Variants in SORCS2 observed in about 807,000 individuals in gnomAD.
The protein encoded by SORCS2 is sortilin related VPS10 domain containing receptor 2.
SORCS2 carries 100 observed loss-of-function variants against 141.6 expected under a neutral mutation model. The ratio of observed to expected loss-of-function variants is 0.71; its 90% confidence interval spans 0.60 to 0.83. SORCS2 has a LOEUF of 0.83. SORCS2 is among the 40% of genes least tolerant of loss of function. The probability of loss-of-function intolerance (pLI) is 0.00; values close to 1 mark genes in which losing one functional copy is unlikely to be tolerated. For synonymous variants in SORCS2, 789 were observed against 676.9 expected (o/e 1.17, Z -2.57); for missense variants, 1,646 against 1,560.2 (o/e 1.05, Z -0.93).
Position 7,547,420 on chromosome 4 carries a change from C to T in SORCS2, c.648+15791C>T, listed in dbSNP as rs183642415. 3.0e-4 allele frequency among the ~76,000 whole-genome samples: 46 copies of T among 152,322 alleles called. 2 individuals are homozygous for T. In the South Asian group the frequency reaches 5.6e-3, roughly 19 times the overall value. ...GAGCCTTTTGCCAGCCTTCTGATGT[C>T]GGTTACTGCAAAATCCAGGCTGCCT... On this transcript the variant is annotated intron_variant, in intron 3 of 26. Transcript: ENST00000507866.
Position 7,302,766 on chromosome 4 carries a change from C to CGTGTGT in SORCS2, c.481-93522_481-93521insGTGTGT, listed in dbSNP as rs766083519. On this transcript the variant is annotated intron_variant, in intron 1 of 26. Coordinates refer to ENST00000507866, the MANE Select transcript of SORCS2 (RefSeq NM_020777.3). Reference sequence around the variant, plus strand: ...TGTCCGGCATCTAGTAGACAGTCCACATATGTGTGTGTGTGTGTGTGTGCG... The same window carrying CGTGTGT: ...TGTCCGGCATCTAGTAGACAGTCCACGTGTGTATATGTGTGTGTGTGTGTGTGTGCG... 5.3e-3 allele frequency among the ~76,000 whole-genome samples: 276 copies of CGTGTGT among 52,004 alleles called. 2 individuals carry two copies. Among genetic ancestry groups the CGTGTGT allele is most frequent in the African/African-American group, 0.011 (270 of 24,148 alleles). The allele number at this position is 52,004 out of a possible 152,430, so 34.1% of individuals were successfully genotyped here.
At chr4:7,523,274 T>C (rs796685231) in intron 2 of SORCS2, among the ~76,000 whole-genome samples, 5 of 152,276 alleles carry the variant, frequency 3.3e-5, no homozygotes, top group African/African-American at 1.2e-4. Context: ...GTGTCAGTGC[T>C]AGTGCTTAGA....
intron 1 of SORCS2, among the ~76,000 whole-genome samples, chr4:7,328,915 G>A (rs13114800): frequency 0.17 from 26,180 of 152,200 alleles, 2,684 homozygotes; most frequent in East Asian, 0.4. Context: ...TAGCTCAGGG[G>A]AGGGACTGGG....
At chr4:7,626,491 C>T (rs1719522447) in intron 3 of SORCS2, among the ~76,000 whole-genome samples, 1 of 152,200 alleles carries the variant, frequency 6.6e-6, no homozygotes, top group South Asian at 2.1e-4. Flanking sequence ...CACCCAGAAA[C>T]AAACAGTGCT....
At chr4:7,400,991 A>G (rs961423443) in intron 2 of SORCS2, among the ~76,000 whole-genome samples, 3 of 152,094 alleles carry the variant, frequency 2.0e-5, no homozygotes, top group East Asian at 1.9e-4. Flanking sequence ...AGATGAATGA[A>G]TGGATTGATA....
chr4:7,565,861 G>GACAGA (rs1172790928), intron 3 of SORCS2, among the ~76,000 whole-genome samples: 1 of 120,464 alleles, frequency 8.3e-6, no homozygotes, highest in South Asian at 3.2e-4. Context: ...TGGTGATGAT[G>GACAGA]GTGATGATGT....
intron 2 of SORCS2, chr4:7,434,787 C>A: frequency 6.2e-7 from 1 of 1,611,486 alleles, no homozygotes; most frequent in South Asian, 1.1e-5. Flanking sequence ...GACACCACAC[C>A]GTGGAGCCCT....
chr4:7,486,428 G>C (rs114631717), intron 2 of SORCS2, among the ~76,000 whole-genome samples: 105 of 125,204 alleles, frequency 8.4e-4, no homozygotes, highest in African/African-American at 2.9e-3. Context: ...CCTGGCCCTG[G>C]ACAGGGTCAC....
chr4:7,462,172 C>G (rs1461188744), intron 2 of SORCS2, among the ~76,000 whole-genome samples: 1 of 152,208 alleles, frequency 6.6e-6, no homozygotes, highest in Non-Finnish European at 1.5e-5. Flanking sequence ...GACGAGCTGA[C>G]ATTTGTTAAG....
At chr4:7,356,212 C>T (rs1721244087) in intron 1 of SORCS2, among the ~76,000 whole-genome samples, 1 of 152,270 alleles carries the variant, frequency 6.6e-6, no homozygotes, top group Non-Finnish European at 1.5e-5. Context: ...GTATTTGTCC[C>T]TGTGGCTTCT....
intron 14 of SORCS2, among the ~76,000 whole-genome samples, chr4:7,706,001 CCTGGACAGGGATGAGGCTGGGCTCTGT>C (rs1725405912): frequency 6.6e-6 from 1 of 151,922 alleles, no homozygotes; most frequent in South Asian, 2.1e-4. Flanking sequence ...CTGGCCTCTG[CCTGGACAGGGATGAGGCTGGGCTCTGT>C]CTGGGCAGGG....
intron 3 of SORCS2, among the ~76,000 whole-genome samples, chr4:7,624,701 A>G (rs57402508): frequency 6.1e-4 from 93 of 152,362 alleles, no homozygotes; most frequent in African/African-American, 2.2e-3. Context: ...TACATAGTTA[A>G]TGCAACCATC....
chr4:7,723,018 T>C lies in SORCS2; in HGVS notation c.2425-679T>C, dbSNP rs1001483712. ...ATGAGCCATAAATCGAAGAAGTTCC[T>C]GTTTCCTTCACTCAATCCCCCACCT... On this transcript the variant is annotated intron_variant, in intron 18 of 26. Transcript: ENST00000507866. Among the ~76,000 whole-genome samples, 5 of 152,116 alleles carry C rather than the reference T, an allele frequency of 3.3e-5. No individual in the cohort carries two copies. The South Asian group carries it at 8.3e-4, about 25-fold the overall frequency.
intron 10 of SORCS2, among the ~76,000 whole-genome samples, chr4:7,684,243 C>A (rs1184303916): frequency 6.6e-6 from 1 of 152,210 alleles, no homozygotes; most frequent in South Asian, 2.1e-4. Context: ...GCTACATCAA[C>A]CAGTGCCTCT....
intron 1 of SORCS2, among the ~76,000 whole-genome samples, chr4:7,302,680 C>G (rs1717509478): frequency 1.3e-5 from 2 of 151,948 alleles, no homozygotes; most frequent in African/African-American, 4.8e-5. Flanking sequence ...TCTGTCTTCT[C>G]AGTAAAGCTA....
At chr4:7,502,398 A>G (rs1301894275) in intron 2 of SORCS2, among the ~76,000 whole-genome samples, 1 of 152,124 alleles carries the variant, frequency 6.6e-6, no homozygotes, top group Non-Finnish European at 1.5e-5. Context: ...CTGGGCAGTG[A>G]TCTCTGTTCT....
intron 3 of SORCS2, among the ~76,000 whole-genome samples, chr4:7,566,484 C>T (rs1187066854): frequency 3.3e-5 from 5 of 152,202 alleles, no homozygotes; most frequent in African/African-American, 7.2e-5. Flanking sequence ...TTATTTTTAC[C>T]ACCACTTTAC....
intron 5 of SORCS2, among the ~76,000 whole-genome samples, chr4:7,654,465 G>A (rs1047441274): frequency 6.6e-6 from 1 of 152,202 alleles, no homozygotes; most frequent in Non-Finnish European, 1.5e-5. Flanking sequence ...GTGTCCCTCA[G>A]GCCACGTTTT....
In SORCS2 at chr4:7,473,288, TGAGAG is replaced by T. The variant is rs202041922; in HGVS notation, c.549-58230_549-58226del. Among the ~76,000 whole-genome samples the T allele has an allele frequency of 5.9e-3, 904 of 152,052 alleles. 15 individuals are homozygous for T. Among genetic ancestry groups the T allele is most frequent in the African/African-American group, 0.021 (854 of 41,474 alleles). Reference sequence around the variant, plus strand: ...GTGGGTCTGCCCATGCGGGAGGGGCTGAGAGGAGAGGAGAGGGAGATGGCGTGTTC... The same window carrying T: ...GTGGGTCTGCCCATGCGGGAGGGGCTGAGAGGAGAGGGAGATGGCGTGTTC... On this transcript the variant is annotated intron_variant, in intron 2 of 26. Coordinates refer to ENST00000507866, the MANE Select transcript of SORCS2 (RefSeq NM_020777.3).
Sources: allele counts gnomAD v4.1 joint callset (sites outside exome capture counted in the v4.1 genomes callset), GRCh38; gene constraint gnomAD v4.1.1; transcripts MANE v1.5; gene names NCBI Gene and HGNC (gene_info 2026-07-23, HGNC 2026-07-21).